The following TNIK variants were observed in gnomAD, a reference collection of about 807,000 sequenced individuals.
TNIK encodes TRAF2 and NCK-interacting protein kinase.
A neutral mutation model predicts 191.3 loss-of-function variants in TNIK; 49 were observed. The observed-to-expected ratio is 0.26, with a 90% confidence interval of 0.20 to 0.32. The LOEUF is 0.32. Among genes scored for constraint, TNIK ranks in the 10% least tolerant of loss-of-function variants. The pLI is 1.00. For synonymous variants in TNIK, 594 were observed against 600.9 expected (o/e 0.99, Z 0.17); for missense variants, 1,155 against 1,702.3 (o/e 0.68, Z 5.66).
At chr3:171,094,371 C>T (rs575042103) in intron 22 of TNIK, among the ~76,000 whole-genome samples, 2 of 152,158 alleles carry the variant, frequency 1.3e-5, no homozygotes, top group East Asian at 1.9e-4. Flanking sequence ...CTCCTGACCT[C>T]GTGATTTGCC....
chr3:171,213,110 C>T (rs997033175), intron 3 of TNIK, among the ~76,000 whole-genome samples: 2 of 152,100 alleles, frequency 1.3e-5, no homozygotes, highest in African/African-American at 2.4e-5. Context: ...AAACTCCCCA[C>T]GCCTTCACTG....
chr3:171,440,862 CAGAA>C (rs2108687717), intron 1 of TNIK, among the ~76,000 whole-genome samples: 1 of 152,208 alleles, frequency 6.6e-6, no homozygotes, highest in Non-Finnish European at 1.5e-5. Context: ...ATTAAGAAAA[CAGAA>C]AGAGTTAGTA....
At position 171,460,008 on chromosome 3, in the gene TNIK, C is replaced by A; in HGVS notation, c.56G>T (p.Arg19Met). The change falls in exon 1 of 33, where the codon AGG becomes ATG. Residue 19 changes from arginine to methionine, a missense_variant and splice_region_variant. Physicochemically the swap from Arg to Met is moderately conservative, Grantham distance 91 (BLOSUM62 -1). Around this residue, in one of 3 missense-constraint regions of TNIK, gnomAD observed 225 missense variants for 438.9 expected, o/e 0.51. Transcript: ENST00000436636. This position sits in a 1 kb window ranked among gnomAD's most constrained non-coding sequence, Gnocchi z 6.8. ...GAAACCAGAAAACGTCCTGCTCACC[C>A]TCAGAGCCGAGAGATCTATTTCATC... is the stretch of plus-strand genomic sequence containing the variant. Reference protein sequence around the residue: ...SLDEIDLSALRDPAGIFELVE... With the variant: ...SLDEIDLSALMDPAGIFELVE... The A allele has an allele frequency of 6.2e-7, 1 of 1,608,732 alleles. No individual in the cohort carries two copies.
chr3:171,142,723 T>G (rs1731007115), intron 12 of TNIK, among the ~76,000 whole-genome samples: 1 of 152,182 alleles, frequency 6.6e-6, no homozygotes. Context: ...ATAATTTGGA[T>G]TACAGACCCA....
chr3:171,060,144 C>T lies in TNIK; in HGVS notation c.*3737G>A, dbSNP rs140709495. 1.4e-3 allele frequency among the ~76,000 whole-genome samples: 215 copies of T among 152,284 alleles called. 2 individuals are homozygous for T. Among genetic ancestry groups the T allele is most frequent in the African/African-American group, 4.9e-3 (204 of 41,564 alleles). ...ACTGTTAACACAAAGAGCTCTTCCACGTTTCAAGAATACAGTGACGGGAAC... is the reference window on the plus strand; with the variant it reads ...ACTGTTAACACAAAGAGCTCTTCCATGTTTCAAGAATACAGTGACGGGAAC... On this transcript the variant is annotated 3_prime_UTR_variant, in exon 33 of 33. Transcript: ENST00000436636.
rs527436954 is a variant in TNIK, at chr3:171,382,974, C to T, written c.58-13289G>A. 2.0e-5 allele frequency among the ~76,000 whole-genome samples: 3 copies of T among 152,258 alleles called. No individual in the cohort carries two copies. The South Asian group carries it at 6.2e-4, about 32-fold the overall frequency. On this transcript the variant is annotated intron_variant, in intron 1 of 32. Coordinates refer to ENST00000436636, the MANE Select transcript of TNIK (RefSeq NM_015028.4). ...AAGAACTGCTTCACACTGAATGTCT[C>T]CCCATGCCCCAGACATTATGCAGGG...
At chr3:171,131,443 T>C (rs1729278677) in intron 15 of TNIK, among the ~76,000 whole-genome samples, 1 of 147,716 alleles carries the variant, frequency 6.8e-6, no homozygotes. Flanking sequence ...TAGTCATGTA[T>C]AGATGTTGCT....
intron 18 of TNIK, among the ~76,000 whole-genome samples, chr3:171,119,696 CA>C (rs376096936): frequency 0.12 from 16,079 of 134,006 alleles, 2,441 homozygotes; most frequent in African/African-American, 0.36. Context: ...ATCGCAAGGA[CA>C]AAAAAAAACA....
intron 30 of TNIK, 108 bp from the exon 31 acceptor site, chr3:171,066,843 C>T: frequency 2.3e-6 from 3 of 1,327,722 alleles, no homozygotes; most frequent in East Asian, 2.5e-5. Context: ...TTCATTGTCA[C>T]CCTAAAGACT....
intron 2 of TNIK, among the ~76,000 whole-genome samples, chr3:171,299,067 G>A (rs1365373633): frequency 6.6e-6 from 1 of 152,130 alleles, no homozygotes; most frequent in African/African-American, 2.4e-5. Context: ...GCAGCCTTGT[G>A]GGGAGCTCCT....
intron 18 of TNIK, among the ~76,000 whole-genome samples, chr3:171,120,759 T>C (rs996505148): frequency 1.4e-4 from 22 of 152,156 alleles, no homozygotes; most frequent in African/African-American, 5.3e-4. Flanking sequence ...TGAGACACTG[T>C]TGTCTTAAAA....
intron 1 of TNIK, among the ~76,000 whole-genome samples, chr3:171,444,462 G>A (rs892035822): frequency 6.6e-6 from 1 of 151,832 alleles, no homozygotes; most frequent in African/African-American, 2.4e-5. Context: ...ACCTCCTGGG[G>A]CTTCAAACTC....
intron 7 of TNIK, among the ~76,000 whole-genome samples, chr3:171,187,439 A>C (rs1737498823): frequency 6.6e-6 from 1 of 152,148 alleles, no homozygotes; most frequent in South Asian, 2.1e-4. Flanking sequence ...CAAGCTTGCA[A>C]TTCCCAAAAG....
At chr3:171,339,611 C>T (rs140192510) in intron 2 of TNIK, among the ~76,000 whole-genome samples, 182 of 152,264 alleles carry the variant, frequency 1.2e-3, no homozygotes, top group Non-Finnish European at 1.8e-3. Context: ...TTGAACAGAC[C>T]GAGGTCCTTC....
At chr3:171,363,907 C>T (rs76484048) in intron 2 of TNIK, among the ~76,000 whole-genome samples, 5,007 of 152,212 alleles carry the variant, frequency 0.033, 254 homozygotes, top group African/African-American at 0.11. Context: ...CCAAAACAGG[C>T]GGGTATCACA....
intron 18 of TNIK, among the ~76,000 whole-genome samples, chr3:171,119,633 A>T (rs1188448493): frequency 3.3e-5 from 5 of 152,194 alleles, no homozygotes; most frequent in African/African-American, 1.2e-4. Flanking sequence ...TGATAAGTTC[A>T]TGTCCTTTGT....
chr3:171,241,025 T>G (rs957502227), intron 2 of TNIK, among the ~76,000 whole-genome samples: 1 of 147,014 alleles, frequency 6.8e-6, no homozygotes, highest in South Asian at 2.1e-4. Context: ...TGTTTCTTTT[T>G]TTTTCTTTTC....
At chr3:171,345,182 T>C (rs1337195186) in intron 2 of TNIK, among the ~76,000 whole-genome samples, 1 of 152,166 alleles carries the variant, frequency 6.6e-6, no homozygotes, top group African/African-American at 2.4e-5. Flanking sequence ...CTGAAATGAT[T>C]TTCATTCTTA....
chr3:171,190,148 C>T (rs575405888), intron 6 of TNIK, among the ~76,000 whole-genome samples: 65 of 152,270 alleles, frequency 4.3e-4, no homozygotes, highest in African/African-American at 1.4e-3. Flanking sequence ...GGAAAGAGCT[C>T]TAACAGATAC....
Sources: gnomAD v4.1 joint callset for allele counts (sites outside exome capture counted in the v4.1 genomes callset) on GRCh38, gnomAD v4.1.1 for gene constraint, gnomAD v4.1.1 regional missense constraint, Gnocchi (gnomAD v3.1) non-coding constraint, MANE v1.5 for transcripts, NCBI Gene and HGNC (gene_info 2026-07-23, HGNC 2026-07-21) for gene names.